Variants in SCAPER observed in about 807,000 individuals in gnomAD.
The protein encoded by SCAPER is S-phase cyclin A associated protein in the ER, also known as S phase cyclin A-associated protein in the endoplasmic reticulum.
Under a neutral mutation model 182.2 loss-of-function variants are expected in SCAPER, and 98 were observed. The ratio of observed to expected loss-of-function variants is 0.54; its 90% CI spans 0.46 to 0.64. The LOEUF (loss-of-function observed/expected upper bound fraction) is 0.64. Ranked by LOEUF, SCAPER falls within the 30% of genes least tolerant of loss-of-function variation. SCAPER has a pLI of 0.00. For synonymous variants in SCAPER, 605 were observed against 564.6 expected, an observed-to-expected ratio of 1.07 and a Z score of -1.01; for missense variants, 1,432 against 1,690.0, an observed-to-expected ratio of 0.85 and a Z score of 2.68.
chr15:76,580,475 C>G (rs1413079177), intron 22 of SCAPER, among the ~76,000 whole-genome samples: 1 of 152,164 alleles, frequency 6.6e-6, no homozygotes, highest in Non-Finnish European at 1.5e-5. Flanking sequence ...AAACAGCTGT[C>G]TGTGTGTGGT....
intron 1 of SCAPER, among the ~76,000 whole-genome samples, chr15:76,887,891 C>G (rs1201635363): frequency 6.6e-6 from 1 of 152,202 alleles, no homozygotes; most frequent in Admixed American, 6.5e-5. Context: ...AACTGGGAGA[C>G]ACCTCCCAGG....
intron 21 of SCAPER, among the ~76,000 whole-genome samples, chr15:76,632,499 T>C (rs2053204587): frequency 6.6e-6 from 1 of 152,060 alleles, no homozygotes; most frequent in South Asian, 2.1e-4. Context: ...AGCCAGCTCC[T>C]GTAATGTTTT....
intron 1 of SCAPER, among the ~76,000 whole-genome samples, chr15:76,889,399 C>T (rs918074290): frequency 2.0e-4 from 31 of 152,112 alleles, no homozygotes; most frequent in Non-Finnish European, 2.9e-5. Flanking sequence ...AGAGTCAAGA[C>T]CCATCAGTGT....
At chr15:76,791,841 A>G (rs1218068331) in intron 8 of SCAPER, among the ~76,000 whole-genome samples, 1 of 152,030 alleles carries the variant, frequency 6.6e-6, no homozygotes, top group Non-Finnish European at 1.5e-5. Context: ...AAAAGGCATA[A>G]GGACTAATTA....
intron 1 of SCAPER, among the ~76,000 whole-genome samples, chr15:76,897,445 C>T (rs1228323657): frequency 6.6e-6 from 1 of 152,040 alleles, no homozygotes; most frequent in African/African-American, 2.4e-5. Flanking sequence ...GTGGCTCACA[C>T]CTGTAATCCT....
chr15:76,457,299 G>A (rs1273815902), intron 25 of SCAPER, among the ~76,000 whole-genome samples: 1 of 152,126 alleles, frequency 6.6e-6, no homozygotes, highest in East Asian at 1.9e-4. Context: ...TCCTGACCTT[G>A]TGATCCGTCG....
intron 1 of SCAPER, among the ~76,000 whole-genome samples, chr15:76,901,086 C>G (rs2074753613): frequency 6.6e-6 from 1 of 152,026 alleles, no homozygotes; most frequent in Admixed American, 6.6e-5. Flanking sequence ...AGTTTGTAGC[C>G]AGGTGTGGTG....
At chr15:76,798,638 A>C (rs1341019747) in intron 7 of SCAPER, among the ~76,000 whole-genome samples, 4 of 152,176 alleles carry the variant, frequency 2.6e-5, no homozygotes, top group African/African-American at 9.7e-5. Context: ...AAAGCCAAAG[A>C]CAGACAATCT....
At chr15:76,395,656 A>G (rs1487129164) in intron 27 of SCAPER, among the ~76,000 whole-genome samples, 1 of 152,164 alleles carries the variant, frequency 6.6e-6, no homozygotes, top group Non-Finnish European at 1.5e-5. Flanking sequence ...TCTTTTGAGA[A>G]ATGTCTCTTC....
intron 17 of SCAPER, among the ~76,000 whole-genome samples, chr15:76,713,096 A>G (rs1455421063): frequency 2.0e-5 from 3 of 152,118 alleles, no homozygotes; most frequent in Non-Finnish European, 4.4e-5. Flanking sequence ...AGCTCTTATT[A>G]TTTTGAGATA....
rs533808486 is a variant in SCAPER at position 76,606,843 on chromosome 15, G to C, written c.2711+14921C>G. On this transcript the variant is annotated intron_variant, in intron 22 of 31. Coordinates refer to ENST00000563290, the MANE Select transcript of SCAPER (RefSeq NM_020843.4). ...ATCAGAGACTAGGATTGCAACTCCTGCCTTTTTTTGTTTTCCATTTGCTTG... is the reference window on the plus strand; with the variant it reads ...ATCAGAGACTAGGATTGCAACTCCTCCCTTTTTTTGTTTTCCATTTGCTTG... Among the ~76,000 whole-genome samples the C allele has an allele frequency of 4.6e-5, 7 of 152,202 alleles. No homozygotes were observed. In the South Asian group the frequency reaches 1.2e-3, roughly 27 times the overall value.
At chr15:76,823,988 T>C (rs1167168581) in intron 5 of SCAPER, among the ~76,000 whole-genome samples, 1 of 151,954 alleles carries the variant, frequency 6.6e-6, no homozygotes, top group Non-Finnish European at 1.5e-5. Flanking sequence ...AGAGAAAGTA[T>C]ATTTGGTGGC....
chr15:76,890,431 AAAG>A (rs766073432), intron 1 of SCAPER, among the ~76,000 whole-genome samples: 2 of 152,176 alleles, frequency 1.3e-5, no homozygotes, highest in Non-Finnish European at 2.9e-5. Context: ...GAAGACTAAT[AAAG>A]AAGAAAAGAC....
intron 21 of SCAPER, among the ~76,000 whole-genome samples, chr15:76,636,570 G>A (rs962787902): frequency 1.3e-5 from 2 of 152,014 alleles, no homozygotes; most frequent in African/African-American, 4.8e-5. Context: ...CATCAGACAG[G>A]GCAAAACAGA....
intron 21 of SCAPER, among the ~76,000 whole-genome samples, chr15:76,629,244 C>T (rs1453918638): frequency 6.6e-6 from 1 of 152,220 alleles, no homozygotes; most frequent in Admixed American, 6.5e-5. Context: ...TTTGAATACA[C>T]TTTATTTTTT....
chr15:76,752,020 G>A (rs2062115528), intron 15 of SCAPER, among the ~76,000 whole-genome samples: 1 of 150,170 alleles, frequency 6.7e-6, no homozygotes, highest in Admixed American at 6.6e-5. Context: ...ATATACAGAA[G>A]TCTTAAAACT....
chr15:76,746,388 C>T (rs1298786349), intron 15 of SCAPER, among the ~76,000 whole-genome samples: 1 of 152,194 alleles, frequency 6.6e-6, no homozygotes, highest in African/African-American at 2.4e-5. Context: ...GATACCAAGG[C>T]TCAACTGTAT....
intron 4 of SCAPER, among the ~76,000 whole-genome samples, chr15:76,850,623 G>C (rs1008546913): frequency 4.6e-5 from 7 of 152,148 alleles, no homozygotes; most frequent in Non-Finnish European, 1.0e-4. Context: ...CACTTTGAGA[G>C]GCTAAGGAAG....
intron 15 of SCAPER, among the ~76,000 whole-genome samples, chr15:76,750,239 T>G (rs2062012086): frequency 6.6e-6 from 1 of 151,372 alleles, no homozygotes; most frequent in South Asian, 2.1e-4. Context: ...AAAGACTAAA[T>G]CAAAAAAATT....
Sources: gnomAD v4.1 joint callset for allele counts (sites outside exome capture counted in the v4.1 genomes callset) on GRCh38, gnomAD v4.1.1 for gene constraint, MANE v1.5 for transcripts, NCBI Gene and HGNC (gene_info 2026-07-23, HGNC 2026-07-21) for gene names.